Variants in RYR2 observed in about 807,000 individuals in gnomAD.
RYR2 encodes cardiac muscle ryanodine receptor-calcium release channel.
In RYR2, 227 loss-of-function variants were observed where a neutral mutation model predicts 601.1. The observed-to-expected ratio is 0.38, with a 90% CI of 0.34 to 0.42. The LOEUF (loss-of-function observed/expected upper bound fraction) is 0.42, where lower values mean the gene tolerates loss of function less well. RYR2 is among the 10% of genes least tolerant of loss of function. The pLI is 1.00. For missense variants in RYR2, 4,646 were observed against 6,156.5 expected (o/e 0.75, Z 8.21); for synonymous variants, 2,223 against 2,175.1 (o/e 1.02, Z -0.61).
At chr1:237,794,722 T>C (rs11806850) in intron 95 of RYR2, among the ~76,000 whole-genome samples, 8,122 of 152,330 alleles carry the variant, frequency 0.053, 329 homozygotes, top group Middle Eastern at 0.1. Flanking sequence ...AGTTGTCAAA[T>C]GGAGATTATT....
At chr1:237,733,154 T>A (rs369230698) in intron 78 of RYR2, among the ~76,000 whole-genome samples, 5 of 152,360 alleles carry the variant, frequency 3.3e-5, no homozygotes, top group South Asian at 4.1e-4. Flanking sequence ...TTAAAACTGC[T>A]GAAATAACTT....
intron 38 of RYR2, among the ~76,000 whole-genome samples, chr1:237,619,505 G>T (rs1346888415): frequency 1.3e-5 from 2 of 152,120 alleles, no homozygotes; most frequent in Admixed American, 1.3e-4. Context: ...TATAACAAAA[G>T]ATCTAACATT....
chr1:237,237,094 T>C (rs971909519), intron 1 of RYR2, among the ~76,000 whole-genome samples: 1 of 152,194 alleles, frequency 6.6e-6, no homozygotes. Flanking sequence ...CCTGCCGCCA[T>C]GTAAGACACA....
chr1:237,089,971 A>C (rs1440479968), intron 1 of RYR2, among the ~76,000 whole-genome samples: 1 of 152,228 alleles, frequency 6.6e-6, no homozygotes, highest in African/African-American at 2.4e-5. Flanking sequence ...TCACAGTTCC[A>C]CATGGCTGGG....
At chr1:237,794,714 T>A (rs1172066797) in intron 95 of RYR2, among the ~76,000 whole-genome samples, 2 of 152,226 alleles carry the variant, frequency 1.3e-5, no homozygotes, top group Non-Finnish European at 2.9e-5. Context: ...GGGTTCCGAG[T>A]TGTCAAATGG....
intron 71 of RYR2, among the ~76,000 whole-genome samples, chr1:237,716,664 T>A (rs777358165): frequency 1.3e-5 from 2 of 152,142 alleles, no homozygotes; most frequent in African/African-American, 4.8e-5. Context: ...TACTTCTATT[T>A]CTACTAGACG....
chr1:237,777,212 C>T (rs773921345), intron 87 of RYR2, among the ~76,000 whole-genome samples: 13 of 152,104 alleles, frequency 8.5e-5, no homozygotes, highest in Admixed American at 2.0e-4. Flanking sequence ...AATTTCAACC[C>T]CTTTGTATCC....
intron 2 of RYR2, among the ~76,000 whole-genome samples, chr1:237,290,636 A>G (rs1409631092): frequency 2.0e-5 from 3 of 152,240 alleles, no homozygotes; most frequent in Non-Finnish European, 4.4e-5. Flanking sequence ...ATACCATAGT[A>G]TGTAAAGCAA....
At chr1:237,592,435 C>A (rs1484626376) in intron 32 of RYR2, among the ~76,000 whole-genome samples, 1 of 151,888 alleles carries the variant, frequency 6.6e-6, no homozygotes, top group Non-Finnish European at 1.5e-5. Context: ...GAGTTCAAGA[C>A]CAGCCTGGCC....
At chr1:237,441,203 G>A in intron 12 of RYR2, 116 bp from the exon 13 acceptor site, 1 of 973,766 alleles carries the variant, frequency 1.0e-6, no homozygotes, top group Non-Finnish European at 1.5e-6. Flanking sequence ...TTATTTCAGG[G>A]GACTTCAGAG....
intron 6 of RYR2, among the ~76,000 whole-genome samples, chr1:237,372,151 A>G (rs558437624): frequency 5.9e-5 from 9 of 152,350 alleles, no homozygotes; most frequent in Non-Finnish European, 1.3e-4. Context: ...TTAATTGTCT[A>G]TTTAATGAAA....
intron 92 of RYR2, among the ~76,000 whole-genome samples, chr1:237,789,371 A>C (rs1472224413): frequency 1.3e-5 from 2 of 152,224 alleles, no homozygotes; most frequent in African/African-American, 2.4e-5. Flanking sequence ...AATATATTTT[A>C]ATTTAGTTGT....
chr1:237,500,021 C>T (rs1373782879), intron 20 of RYR2, among the ~76,000 whole-genome samples: 1 of 152,114 alleles, frequency 6.6e-6, no homozygotes, highest in African/African-American at 2.4e-5. Context: ...TTATATCCTG[C>T]TTTACTTAAG....
chr1:237,733,221 A>G (rs1314267043), intron 78 of RYR2, among the ~76,000 whole-genome samples: 4 of 152,328 alleles, frequency 2.6e-5, no homozygotes, highest in African/African-American at 7.2e-5. Context: ...CATGGTTTCC[A>G]TGCTTCTCAA....
chr1:237,400,640 T>A (rs1287111531), intron 10 of RYR2, among the ~76,000 whole-genome samples: 1 of 152,198 alleles, frequency 6.6e-6, no homozygotes, highest in African/African-American at 2.4e-5. Flanking sequence ...TTAAATGTTA[T>A]ATTCATAATA....
rs906514032 is a variant in RYR2 at position 237,661,007 on chromosome 1, A to G, written c.8436+60A>G. ...ATGTTATGGATTAAATAATTTTTTA[A>G]ATTTAATTATTGAGTTTTTCTAAAG... On this transcript the variant is annotated intron_variant, in intron 56 of 104. Coordinates refer to ENST00000366574, the MANE Select transcript of RYR2 (RefSeq NM_001035.3). 81 of 1,243,674 alleles carry G rather than the reference A, an allele frequency of 6.5e-5. 1 individual carries two copies. In the Middle Eastern group the frequency reaches 1.6e-3, roughly 24 times the overall value. 77.0% of individuals were successfully genotyped at this position (1,243,674 alleles called of 1,614,324 possible).
intron 2 of RYR2, among the ~76,000 whole-genome samples, chr1:237,276,555 T>A (rs921222463): frequency 2.6e-5 from 4 of 152,116 alleles, no homozygotes; most frequent in Non-Finnish European, 5.9e-5. Flanking sequence ...ATTGGTCCTT[T>A]GAAAAAAATC....
chr1:237,675,006 C>G (rs1226229921), intron 60 of RYR2, among the ~76,000 whole-genome samples, 160 bp downstream of exon 60: 1 of 152,094 alleles, frequency 6.6e-6, no homozygotes, highest in African/African-American at 2.4e-5. Flanking sequence ...AATGGATGAA[C>G]AAGTTCTTGG....
chr1:237,778,391 C>T (rs1227217300), intron 87 of RYR2, among the ~76,000 whole-genome samples: 1 of 24,914 alleles, frequency 4.0e-5, no homozygotes, highest in Non-Finnish European at 7.9e-5. Context: ...GAGATCAAAG[C>T]CAGACCAAAA....
Sources: gnomAD v4.1 joint callset for allele counts (sites outside exome capture counted in the v4.1 genomes callset) on GRCh38, gnomAD v4.1.1 for gene constraint, MANE v1.5 for transcripts, NCBI Gene and HGNC (gene_info 2026-07-23, HGNC 2026-07-21) for gene names.